Variants in PLEKHG7 observed in about 807,000 individuals in gnomAD.
PLEKHG7 encodes pleckstrin homology domain-containing family G member 7.
In PLEKHG7, 77 loss-of-function variants were observed where a neutral mutation model predicts 85.2. That is an observed-to-expected ratio of 0.90 (90% CI 0.75 to 1.09). PLEKHG7 has a LOEUF of 1.09. PLEKHG7 is among the 50% of genes least tolerant of loss of function. PLEKHG7 has a pLI of 0.00. For synonymous variants in PLEKHG7, 301 were observed against 302.4 expected, an observed-to-expected ratio of 1.00 and a Z score of 0.05; for missense variants, 777 against 804.3, an observed-to-expected ratio of 0.97 and a Z score of 0.41.
chr12:92,704,135 T>A (rs1387271981), intron 1 of PLEKHG7, among the ~76,000 whole-genome samples: 2 of 152,094 alleles, frequency 1.3e-5, no homozygotes, highest in African/African-American at 4.8e-5. Context: ...GTGGTAAGCA[T>A]CCATAGCCCC....
At chr12:92,767,984 A>C (rs1057446368) in intron 15 of PLEKHG7, among the ~76,000 whole-genome samples, 1 of 152,040 alleles carries the variant, frequency 6.6e-6, no homozygotes, top group Non-Finnish European at 1.5e-5. Context: ...GGTTGGGTGG[A>C]TCATGAGGTT....
intron 5 of PLEKHG7, among the ~76,000 whole-genome samples, chr12:92,732,661 G>A (rs531834370): frequency 6.6e-6 from 1 of 152,268 alleles, no homozygotes; most frequent in African/African-American, 2.4e-5. Context: ...AAATGAATGA[G>A]ATCTTACAGA....
chr12:92,740,797 G>T (rs1872331451), intron 7 of PLEKHG7, 56 bp from the exon 8 acceptor site: 3 of 1,192,186 alleles, frequency 2.5e-6, no homozygotes, highest in African/African-American at 1.5e-5. Context: ...CTTGCAAAAG[G>T]CATGTTGCAA....
chr12:92,713,410 G>T (rs1048095729), intron 3 of PLEKHG7, among the ~76,000 whole-genome samples: 10 of 152,202 alleles, frequency 6.6e-5, no homozygotes, highest in African/African-American at 2.4e-4. Context: ...CTCTACAGGA[G>T]TCAGTCTATT....
intron 15 of PLEKHG7, among the ~76,000 whole-genome samples, chr12:92,766,459 G>A (rs528374319): frequency 5.3e-4 from 80 of 152,112 alleles, no homozygotes; most frequent in Non-Finnish European, 1.0e-3. Context: ...TGAACTTTAT[G>A]GGAAATCTAA....
At chr12:92,725,156 A>T (rs1871758602) in intron 3 of PLEKHG7, among the ~76,000 whole-genome samples, 1 of 152,174 alleles carries the variant, frequency 6.6e-6, no homozygotes, top group Non-Finnish European at 1.5e-5. Context: ...ACTAGGAGTT[A>T]GACAGACTTG....
At chr12:92,755,188 C>T (rs1872793922) in intron 11 of PLEKHG7, among the ~76,000 whole-genome samples, 1 of 152,152 alleles carries the variant, frequency 6.6e-6, no homozygotes, top group South Asian at 2.1e-4. Context: ...GATGGATTCT[C>T]ATTGTTGAGG....
intron 10 of PLEKHG7, among the ~76,000 whole-genome samples, chr12:92,746,681 G>C (rs1258365946): frequency 6.6e-6 from 1 of 152,164 alleles, no homozygotes; most frequent in Non-Finnish European, 1.5e-5. Context: ...AATTTAACAA[G>C]GTCCAACTAT....
chr12:92,707,964 G>A, intron 3 of PLEKHG7: 1 of 452,808 alleles, frequency 2.2e-6, no homozygotes, highest in African/African-American at 2.0e-5. Flanking sequence ...CTTAGTAATA[G>A]GTTTTGTCTG....
chr12:92,706,752 GC>G lies in PLEKHG7; in HGVS notation c.125del (p.Pro42GlnfsTer10). The G allele has an allele frequency of 3.1e-6, 5 of 1,614,058 alleles. No homozygotes were observed. Among genetic ancestry groups the G allele is most frequent in the Non-Finnish European group, 3.4e-6 (4 of 1,180,026 alleles). Reference sequence around the variant, plus strand: ...GAGTCTCCTCCAGTTTGACCGGCAAGCCCCAGGCCGCATCTCCACCTCGCCC... The same window carrying G: ...GAGTCTCCTCCAGTTTGACCGGCAAGCCCAGGCCGCATCTCCACCTCGCCC... ...QGSLLQFDRQ[A>X]PGRISTSPTL... On this transcript the variant is annotated frameshift_variant, in exon 2 of 17. Transcript: ENST00000344636. LOFTEE classifies it high-confidence loss of function.
chr12:92,761,630 GAAA>G (rs1873010940), intron 13 of PLEKHG7, 119 bp from the exon 14 acceptor site: 3 of 135,218 alleles, frequency 2.2e-5, no homozygotes, highest in Admixed American at 3.5e-4. Flanking sequence ...AAAGAAGAAA[GAAA>G]GAAAGAAAGA....
At chr12:92,712,411 A>T (rs1190384849) in intron 3 of PLEKHG7, among the ~76,000 whole-genome samples, 2 of 152,322 alleles carry the variant, frequency 1.3e-5, no homozygotes, top group East Asian at 1.9e-4. Flanking sequence ...GTACCAGGAG[A>T]TGTGTTCATT....
At chr12:92,732,297 T>C (rs1025635637) in intron 5 of PLEKHG7, 24 bp downstream of exon 5, 1 of 1,222,502 alleles carries the variant, frequency 8.2e-7, no homozygotes, top group African/African-American at 1.6e-5. Flanking sequence ...ATTGCCATTT[T>C]TGTTTTAATT....
intron 13 of PLEKHG7, among the ~76,000 whole-genome samples, chr12:92,759,789 G>T (rs1186439693): frequency 3.7e-4 from 57 of 152,214 alleles, no homozygotes; most frequent in Admixed American, 3.7e-3. Flanking sequence ...GTGGTATTTT[G>T]CTATGGCAGG....
At chr12:92,759,704 G>T (rs75166261) in intron 13 of PLEKHG7, among the ~76,000 whole-genome samples, 1 of 152,228 alleles carries the variant, frequency 6.6e-6, no homozygotes, top group East Asian at 1.9e-4. Flanking sequence ...GAACTGAATC[G>T]ACCAGCACCT....
intron 3 of PLEKHG7, among the ~76,000 whole-genome samples, chr12:92,721,811 A>G (rs1358811777): frequency 6.6e-6 from 1 of 151,754 alleles, no homozygotes; most frequent in Non-Finnish European, 1.5e-5. Context: ...TTACACGGTG[A>G]CAATGGGTTG....
In PLEKHG7 at chr12:92,741,666, A is replaced by T; in HGVS notation, c.1137+74A>T. The T allele has an allele frequency of 9.1e-6, 10 of 1,102,278 alleles. No homozygotes were observed. The South Asian group carries it at 1.6e-4, about 18-fold the overall frequency. The allele number at this position is 1,102,278 out of a possible 1,614,324, so 68.3% of individuals were successfully genotyped here. A position where few individuals can be genotyped will look rare whatever the true frequency, so the allele number is the denominator to read the frequency against. ...CTCCCAGGACAGTTGTTTATACCCT[A>T]CTTGATTTTAATTCTCCCTGGGAAA... On this transcript the variant is annotated intron_variant, in intron 9 of 16. Coordinates refer to ENST00000344636, the MANE Select transcript of PLEKHG7 (RefSeq NM_001377329.1).
At chr12:92,713,228 T>C (rs1315709525) in intron 3 of PLEKHG7, among the ~76,000 whole-genome samples, 2 of 152,220 alleles carry the variant, frequency 1.3e-5, no homozygotes, top group African/African-American at 4.8e-5. Flanking sequence ...GTTTGTAAAC[T>C]GGCTCAAGTC....
intron 3 of PLEKHG7, among the ~76,000 whole-genome samples, chr12:92,721,138 G>T (rs535732054): frequency 6.6e-6 from 1 of 152,160 alleles, no homozygotes; most frequent in Admixed American, 6.5e-5. Flanking sequence ...TGTCTAAGAA[G>T]AATCAGTTCT....
Sources: gnomAD v4.1 joint callset for allele counts (sites outside exome capture counted in the v4.1 genomes callset) on GRCh38, gnomAD v4.1.1 for gene constraint, MANE v1.5 for transcripts, NCBI Gene and HGNC (gene_info 2026-07-23, HGNC 2026-07-21) for gene names.